SPAG16: variants seen among roughly 807,000 people sequenced by gnomAD.
SPAG16 encodes sperm-associated antigen 16 protein.
SPAG16 carries 86 observed loss-of-function variants against 80.4 expected under a neutral mutation model. The ratio of observed to expected loss-of-function variants is 1.07; its 90% confidence interval spans 0.90 to 1.28. SPAG16 has a LOEUF of 1.28. Among genes scored for constraint, SPAG16 ranks in the 50% most tolerant of loss-of-function variants. SPAG16 has a pLI of 0.00. For synonymous variants in SPAG16, 294 were observed against 265.9 expected (o/e 1.11, Z -1.03); for missense variants, 870 against 765.3 (o/e 1.14, Z -1.61).
Position 213,782,986 on chromosome 2 carries a change from C to T in SPAG16, c.1071-79499C>T, listed in dbSNP as rs1374657062. The stretch of plus-strand genomic sequence containing the variant: ...TATGTATACATGTGCCATGCTGGTG[C>T]GCTGCACCCACTAACGTGTCATCTA... On this transcript the variant is annotated intron_variant, in intron 10 of 15. Coordinates refer to ENST00000331683, the MANE Select transcript of SPAG16 (RefSeq NM_024532.5). 9.9e-5 allele frequency among the ~76,000 whole-genome samples: 15 copies of T among 151,786 alleles called. No homozygotes were observed. In the East Asian group the frequency reaches 1.2e-3, roughly 12 times the overall value.
intron 5 of SPAG16, among the ~76,000 whole-genome samples, chr2:213,334,135 A>G (rs1255281801): frequency 1.4e-5 from 2 of 147,814 alleles, no homozygotes. Context: ...TACTCCAATT[A>G]AAAAAATGGA....
intron 11 of SPAG16, among the ~76,000 whole-genome samples, chr2:213,903,553 C>T (rs1471115131): frequency 6.6e-6 from 1 of 152,128 alleles, no homozygotes; most frequent in East Asian, 1.9e-4. Flanking sequence ...GACCCTGGCC[C>T]TGGTCCACGA....
chr2:213,531,797 A>G (rs955956271), intron 10 of SPAG16, among the ~76,000 whole-genome samples: 8 of 152,084 alleles, frequency 5.3e-5, no homozygotes, highest in South Asian at 2.1e-4. Flanking sequence ...CTGTAATTTT[A>G]TTCCATTTTT....
chr2:214,311,127 C>A (rs1389047318), intron 15 of SPAG16, among the ~76,000 whole-genome samples: 1 of 132,070 alleles, frequency 7.6e-6, no homozygotes, highest in African/African-American at 3.2e-5. Flanking sequence ...ACAGTGCCCC[C>A]TTTGGAGATC....
At chr2:213,508,677 G>A (rs1575784603) in intron 10 of SPAG16, among the ~76,000 whole-genome samples, 1 of 151,856 alleles carries the variant, frequency 6.6e-6, no homozygotes, top group East Asian at 1.9e-4. Flanking sequence ...ACAAAAAACC[G>A]AACACCACGT....
At chr2:213,621,063 T>G (rs540409035) in intron 10 of SPAG16, among the ~76,000 whole-genome samples, 66 of 152,266 alleles carry the variant, frequency 4.3e-4, no homozygotes, top group African/African-American at 1.5e-3. Flanking sequence ...TAAAAACTAG[T>G]TTTAGTACTT....
intron 5 of SPAG16, among the ~76,000 whole-genome samples, chr2:213,333,936 G>A (rs779658486): frequency 9.9e-5 from 15 of 152,052 alleles, no homozygotes; most frequent in Non-Finnish European, 1.6e-4. Context: ...TACCCTACAA[G>A]CACAGGCATC....
chr2:214,072,054 T>A (rs575486699), intron 13 of SPAG16, among the ~76,000 whole-genome samples: 1 of 152,276 alleles, frequency 6.6e-6, no homozygotes, highest in South Asian at 2.1e-4. Flanking sequence ...TGAACTTTTT[T>A]AAAAGCATTA....
chr2:213,819,252 C>T lies in SPAG16; in HGVS notation c.1071-43233C>T, dbSNP rs892423512. On this transcript the variant is annotated intron_variant, in intron 10 of 15. Coordinates refer to ENST00000331683, the MANE Select transcript of SPAG16 (RefSeq NM_024532.5). ...CAATCAGAGAGTTTTGCATTTCTTA[C>T]TATTTTCTTCAAATGATATTCAAGC... Among the ~76,000 whole-genome samples the T allele has an allele frequency of 7.2e-5, 11 of 152,280 alleles. No homozygotes were observed. In the East Asian group the frequency reaches 2.1e-3, roughly 29 times the overall value.
At chr2:214,389,421 G>A (rs1700940579) in intron 15 of SPAG16, among the ~76,000 whole-genome samples, 1 of 152,200 alleles carries the variant, frequency 6.6e-6, no homozygotes, top group East Asian at 1.9e-4. Context: ...GCTAATGATT[G>A]CAATGTATGA....
At chr2:213,871,925 G>GAA (rs1166173589) in intron 11 of SPAG16, among the ~76,000 whole-genome samples, 4 of 150,354 alleles carry the variant, frequency 2.7e-5, no homozygotes, top group Non-Finnish European at 5.9e-5. Context: ...ACAAACCTTA[G>GAA]AAGGAAGCCT....
At chr2:213,891,084 A>G (rs1050627832) in intron 11 of SPAG16, among the ~76,000 whole-genome samples, 2 of 152,002 alleles carry the variant, frequency 1.3e-5, no homozygotes, top group Admixed American at 1.3e-4. Context: ...TAATTTTTAC[A>G]CTTTATTAAA....
At chr2:213,311,030 T>C (rs114059306) in intron 4 of SPAG16, among the ~76,000 whole-genome samples, 2,726 of 151,804 alleles carry the variant, frequency 0.018, 73 homozygotes, top group African/African-American at 0.051. Context: ...TTTTTTGCTT[T>C]TTTTGGTTCT....
chr2:213,310,371 C>T (rs549026385), intron 4 of SPAG16, among the ~76,000 whole-genome samples, 194 bp downstream of exon 4: 1 of 102,248 alleles, frequency 9.8e-6, no homozygotes, highest in South Asian at 3.1e-4. Context: ...CACACACACA[C>T]ACAAATCAGA....
At chr2:214,377,693 G>C (rs532353977) in intron 15 of SPAG16, among the ~76,000 whole-genome samples, 1 of 152,270 alleles carries the variant, frequency 6.6e-6, no homozygotes, top group South Asian at 2.1e-4. Flanking sequence ...ATTTTCAACT[G>C]TATGGGGTCA....
At chr2:213,649,223 T>C (rs917492040) in intron 10 of SPAG16, among the ~76,000 whole-genome samples, 6 of 152,218 alleles carry the variant, frequency 3.9e-5, no homozygotes, top group African/African-American at 1.4e-4. Flanking sequence ...CCTGACCTAC[T>C]AACAGTTGGC....
At chr2:213,479,008 A>C (rs1015957021) in intron 9 of SPAG16, among the ~76,000 whole-genome samples, 3 of 151,980 alleles carry the variant, frequency 2.0e-5, no homozygotes, top group African/African-American at 7.2e-5. Context: ...ATTATAATAA[A>C]AATTTACTGT....
At chr2:214,344,251 T>C (rs889759723) in intron 15 of SPAG16, among the ~76,000 whole-genome samples, 1 of 152,180 alleles carries the variant, frequency 6.6e-6, no homozygotes, top group Non-Finnish European at 1.5e-5. Flanking sequence ...CTTTCAATTG[T>C]TTAACTTTTT....
chr2:213,954,974 T>C (rs1311773257), intron 12 of SPAG16, among the ~76,000 whole-genome samples: 1 of 152,212 alleles, frequency 6.6e-6, no homozygotes, highest in African/African-American at 2.4e-5. Flanking sequence ...AAATGTCTAT[T>C]CATATTCATT....
Sources: allele counts gnomAD v4.1 joint callset (sites outside exome capture counted in the v4.1 genomes callset), GRCh38; gene constraint gnomAD v4.1.1; transcripts MANE v1.5; gene names NCBI Gene and HGNC (gene_info 2026-07-23, HGNC 2026-07-21).